HEATR4: variants seen among roughly 807,000 people sequenced by gnomAD.
HEATR4 encodes HEAT repeat containing 4.
HEATR4 carries 95 observed loss-of-function variants against 108.8 expected under a neutral mutation model. The observed-to-expected ratio is 0.87, with a 90% CI of 0.74 to 1.04. The LOEUF is 1.04. Ranked by LOEUF, HEATR4 falls within the 50% of genes least tolerant of loss-of-function variation. The pLI is 0.00. For synonymous variants in HEATR4, 443 were observed against 459.4 expected (o/e 0.96, Z 0.46); for missense variants, 1,152 against 1,253.8 (o/e 0.92, Z 1.23).
At chr14:73,590,432 C>G in the HEATR4 span, among the ~76,000 whole-genome samples, 24 of 152,384 alleles carry the variant, frequency 1.6e-4, 1 homozygote, top group Admixed American at 1.4e-3. Flanking sequence ...GGATGCCGCA[C>G]GGGGTTCGCA....
At chr14:73,505,390 T>G (rs1171951685) in intron 10 of HEATR4, among the ~76,000 whole-genome samples, 2 of 143,536 alleles carry the variant, frequency 1.4e-5, no homozygotes, top group Non-Finnish European at 3.0e-5. Context: ...GTTTTTTTGT[T>G]TTGTTTTTTT....
intron 17 of HEATR4, among the ~76,000 whole-genome samples, chr14:73,484,304 T>C (rs960051887): frequency 1.5e-4 from 23 of 152,164 alleles, no homozygotes; most frequent in African/African-American, 5.3e-4. Flanking sequence ...GCCAATTTGT[T>C]CTGTAAAAGG....
the HEATR4 span, among the ~76,000 whole-genome samples, chr14:73,626,382 C>T: frequency 6.6e-6 from 1 of 152,152 alleles, no homozygotes; most frequent in Non-Finnish European, 1.5e-5. Context: ...GTAGGGTGGA[C>T]AAGCTTAAGC....
chr14:73,625,893 A>G, the HEATR4 span, among the ~76,000 whole-genome samples: 1 of 152,174 alleles, frequency 6.6e-6, no homozygotes. Flanking sequence ...AATGGCCTCT[A>G]AGTGTTCAAG....
In HEATR4 at chr14:73,478,790, AG is replaced by A. The variant is rs1885116226; in HGVS notation, c.2896del (p.Leu966Ter). On this transcript the variant is annotated frameshift_variant, in exon 18 of 18. Coordinates refer to ENST00000553558, the MANE Select transcript of HEATR4 (RefSeq NM_001220484.1). LOFTEE classifies it low-confidence loss of function (END_TRUNC). ...NPWLQSSVPG[L>X]TTRSKVRSSL... ...TGAACGAACTTTGCTTCGTGTGGTT[AG>A]GCCTGGGACTGAACTTTGTAACCAG... 6.2e-7 allele frequency: 1 copy of A among 1,613,812 alleles called. No individual in the cohort carries two copies. Among genetic ancestry groups the A allele is most frequent in the Admixed American group, 1.7e-5 (1 of 59,936 alleles).
chr14:73,576,384 T>TA, the HEATR4 span, among the ~76,000 whole-genome samples: 39 of 152,186 alleles, frequency 2.6e-4, 1 homozygote, highest in East Asian at 1.9e-3. Context: ...AGGATTCTCC[T>TA]AGTGCAAATA....
At chr14:73,570,760 C>T in the HEATR4 span, among the ~76,000 whole-genome samples, 1 of 151,262 alleles carries the variant, frequency 6.6e-6, no homozygotes, top group Non-Finnish European at 1.5e-5. Flanking sequence ...GAAAAATTAG[C>T]CAGGCGTGGT....
intron 2 of HEATR4, chr14:73,527,256 T>C (rs765456860): frequency 4.6e-5 from 7 of 151,718 alleles, no homozygotes; most frequent in African/African-American, 7.3e-5. Flanking sequence ...TTGATGACCA[T>C]CCACAAGCAT....
At chr14:73,627,276 C>T in the HEATR4 span, among the ~76,000 whole-genome samples, 1 of 152,022 alleles carries the variant, frequency 6.6e-6, no homozygotes, top group South Asian at 2.1e-4. Flanking sequence ...TTTCTCCCCA[C>T]ACACCAGGCA....
intron 17 of HEATR4, among the ~76,000 whole-genome samples, chr14:73,479,409 C>T (rs558224494): frequency 3.0e-3 from 33 of 10,860 alleles, no homozygotes; most frequent in African/African-American, 5.9e-3. Context: ...CCACTGCGCC[C>T]GGCGTTTTTT....
At position 73,508,203 on chromosome 14, in the gene HEATR4, C is replaced by G. The variant is rs1264840504; in HGVS notation, c.1812G>C (p.Leu604=). 1 of 1,614,030 alleles carries G rather than the reference C, an allele frequency of 6.2e-7. No homozygotes were observed. The highest frequency in any genetic ancestry group is 1.7e-5 in the Admixed American group (1 of 60,014). Residue 604 remains leucine, a synonymous_variant, in exon 9 of 18, where the codon CTG becomes CTC. Coordinates refer to ENST00000553558, the MANE Select transcript of HEATR4 (RefSeq NM_001220484.1). ...CAGTGTCCTCATTCTTCTTTGTAAA[C>G]AGCTGGTGGAGGATCCTCTTAATCA... ...YPVIKRILHQ[L]FTKKNEDTEE... is the part of the protein sequence containing the mutation.
Position 73,548,541 on chromosome 14 carries a change from G to T in HEATR4, c.-152+10210C>A, listed in dbSNP as rs2140318295. ...TGAAGGAAATATATGACCAGGTAAT[G>T]GTGTGTACTTAACAAGCATCTAGGT... is the stretch of plus-strand genomic sequence containing the variant. On this transcript the variant is annotated intron_variant, in intron 1 of 17. Transcript: ENST00000553558. 1.7e-5 allele frequency among the ~76,000 whole-genome samples: 2 copies of T among 115,514 alleles called. 1 individual carries two copies. The highest frequency in any genetic ancestry group is 5.5e-4 in the South Asian group (2 of 3,610). The allele number at this position is 115,514 out of a possible 152,430, so 75.8% of individuals were successfully genotyped here. A position where few individuals can be genotyped will look rare whatever the true frequency, so the allele number is the denominator to read the frequency against.
chr14:73,497,817 G>T (rs1448696925), intron 14 of HEATR4, among the ~76,000 whole-genome samples: 1 of 151,702 alleles, frequency 6.6e-6, no homozygotes, highest in Non-Finnish European at 1.5e-5. Flanking sequence ...GTAGAGACAG[G>T]GTTTCTCCAT....
chr14:73,583,715 G>A, the HEATR4 span, among the ~76,000 whole-genome samples: 1 of 151,804 alleles, frequency 6.6e-6, no homozygotes, highest in Non-Finnish European at 1.5e-5. Context: ...AGACAAAATG[G>A]CAGGCCAGGC....
intron 1 of HEATR4, among the ~76,000 whole-genome samples, chr14:73,540,347 A>T (rs1889034854): frequency 6.9e-6 from 1 of 145,360 alleles, no homozygotes; most frequent in Non-Finnish European, 1.5e-5. Flanking sequence ...AATAGAACAG[A>T]TTAATAAATT....
At chr14:73,500,527 G>A (rs1271305482) in intron 12 of HEATR4, 23 bp downstream of exon 12, 46 of 1,607,250 alleles carry the variant, frequency 2.9e-5, no homozygotes, top group Non-Finnish European at 3.8e-5. Context: ...CAGGTAAGAT[G>A]AGAATATGTT....
intron 17 of HEATR4, among the ~76,000 whole-genome samples, chr14:73,485,398 G>C (rs1252740285): frequency 7.0e-6 from 1 of 142,266 alleles, no homozygotes; most frequent in Non-Finnish European, 1.5e-5. Context: ...TGTACACATG[G>C]GTGAATTTTT....
At chr14:73,609,521 CAG>C in the HEATR4 span, among the ~76,000 whole-genome samples, 3 of 152,026 alleles carry the variant, frequency 2.0e-5, no homozygotes, top group African/African-American at 7.3e-5. Context: ...ATATAGGAGT[CAG>C]TGCTCATGAA....
At chr14:73,586,350 C>T in the HEATR4 span, among the ~76,000 whole-genome samples, 4 of 151,600 alleles carry the variant, frequency 2.6e-5, no homozygotes, top group African/African-American at 4.8e-5. Flanking sequence ...GCCGAGATCA[C>T]GCCATTGCAT....
Sources: gnomAD v4.1 joint callset for allele counts (sites outside exome capture counted in the v4.1 genomes callset) on GRCh38, gnomAD v4.1.1 for gene constraint, MANE v1.5 for transcripts, NCBI Gene and HGNC (gene_info 2026-07-23, HGNC 2026-07-21) for gene names.